CRISPLD2: variants seen among roughly 807,000 people sequenced by gnomAD.
The protein encoded by CRISPLD2 is cysteine rich secretory protein LCCL domain containing 2.
Under a neutral mutation model 71.1 loss-of-function variants are expected in CRISPLD2, and 47 were observed. The ratio of observed to expected loss-of-function variants is 0.66; its 90% confidence interval spans 0.52 to 0.84. CRISPLD2 has a LOEUF of 0.84. CRISPLD2 is among the 40% of genes least tolerant of loss of function. The pLI is 0.00. For synonymous variants in CRISPLD2, 317 were observed against 250.1 expected (o/e 1.27, Z -2.52); for missense variants, 830 against 651.1 (o/e 1.27, Z -2.99).
In CRISPLD2 at chr16:84,877,471, AG is replaced by A; in HGVS notation, c.1191del (p.Gln397HisfsTer63). On this transcript the variant is annotated frameshift_variant, in exon 12 of 15. Transcript: ENST00000262424. LOFTEE classifies it high-confidence loss of function. ...QDLDCYTTVA[Q>X]LCPFEKPATH... ...TTGGACTGCTACACGACCGTTGCTC[AG>A]CTGTGCCCGTTTGAAAAGCCAGCAA... 1 of 1,613,986 alleles carries A rather than the reference AG, an allele frequency of 6.2e-7. No individual in the cohort carries two copies. Among genetic ancestry groups the A allele is most frequent in the Non-Finnish European group, 8.5e-7 (1 of 1,179,896 alleles).
intron 14 of CRISPLD2, among the ~76,000 whole-genome samples, chr16:84,897,598 G>A (rs948003266): frequency 3.9e-5 from 6 of 152,058 alleles, no homozygotes; most frequent in African/African-American, 1.2e-4. Context: ...ATATAAACAC[G>A]CCTTTTTTTG....
At chr16:84,869,716 G>C (rs1402324721) in intron 8 of CRISPLD2, among the ~76,000 whole-genome samples, 9 of 152,258 alleles carry the variant, frequency 5.9e-5, no homozygotes, top group Admixed American at 4.6e-4. Flanking sequence ...TGGGCGAATT[G>C]GGAAAAAGCA....
intron 13 of CRISPLD2, among the ~76,000 whole-genome samples, chr16:84,881,640 A>G (rs2934479): frequency 6.9e-6 from 1 of 144,494 alleles, no homozygotes; most frequent in Non-Finnish European, 1.5e-5. Context: ...AATGTTTTTT[A>G]TTTTTTTATT....
intron 14 of CRISPLD2, among the ~76,000 whole-genome samples, chr16:84,903,384 G>A (rs974989801): frequency 5.3e-5 from 8 of 151,970 alleles, no homozygotes; most frequent in African/African-American, 1.7e-4. Flanking sequence ...AGACCAGCCC[G>A]GCCAAGAGAC....
rs2071816126 is a variant in CRISPLD2 at position 84,907,670 on chromosome 16, A to T, written c.*1028A>T. On this transcript the variant is annotated 3_prime_UTR_variant, in exon 15 of 15. Transcript: ENST00000262424. ...AATGTGCAGATTCCCCACGCACCCG[A>T]TGACCTATTTTTTCAGCCGTGGGAG... 6.6e-6 allele frequency: 1 copy of T among 152,334 alleles called. No homozygotes were observed. Among genetic ancestry groups the T allele is most frequent in the East Asian group, 1.9e-4 (1 of 5,192 alleles). 9.4% of individuals were successfully genotyped at this position (152,334 alleles called of 1,614,324 possible). A position where few individuals can be genotyped will look rare whatever the true frequency, so the allele number is the denominator to read the frequency against.
intron 11 of CRISPLD2, among the ~76,000 whole-genome samples, chr16:84,876,159 A>G (rs982354119): frequency 6.6e-6 from 1 of 152,226 alleles, no homozygotes; most frequent in African/African-American, 2.4e-5. Context: ...CTTGACATCA[A>G]ACATAAGGAC....
rs557293013 is a variant in CRISPLD2 at position 84,875,183 on chromosome 16, A to G, written c.1156+1220A>G. On this transcript the variant is annotated intron_variant, in intron 11 of 14. Coordinates refer to ENST00000262424, the MANE Select transcript of CRISPLD2 (RefSeq NM_031476.4). The stretch of plus-strand genomic sequence containing the variant: ...TTGAGCCTGGAAACTTGAGGCTGCA[A>G]TGAGTCATGTTCATGCCACTACACT... Among the ~76,000 whole-genome samples the G allele has an allele frequency of 4.6e-5, 7 of 152,166 alleles. No individual in the cohort carries two copies. The South Asian group carries it at 1.0e-3, about 23-fold the overall frequency.
chr16:84,873,755 C>T (rs1475385816), intron 10 of CRISPLD2, among the ~76,000 whole-genome samples, 165 bp from the exon 11 acceptor site: 1 of 152,056 alleles, frequency 6.6e-6, no homozygotes, highest in Non-Finnish European at 1.5e-5. Context: ...TTAAGATGCC[C>T]TGGTCTAGAA....
rs368558267 is a variant in CRISPLD2 at position 84,872,528 on chromosome 16, C to T, written c.981+20C>T. 10 of 1,595,838 alleles carry T rather than the reference C, an allele frequency of 6.3e-6. No individual in the cohort carries two copies. The highest frequency in any genetic ancestry group is 8.6e-6 in the Non-Finnish European group (10 of 1,165,632). ...GAAAGCGTGAGTGTGGCCAGTCCTC[C>T]TCTCAATGGCTTGTGTGGGATCCTG... On this transcript the variant is annotated intron_variant, in intron 9 of 14. Transcript: ENST00000262424.
At chr16:84,889,752 T>TTG (rs60555979) in intron 14 of CRISPLD2, among the ~76,000 whole-genome samples, 36,590 of 139,090 alleles carry the variant, frequency 0.26, 4,422 homozygotes, top group Middle Eastern at 0.3. Flanking sequence ...TTGTTTTTCT[T>TTG]TGTGTGTGTG....
At chr16:84,830,817 G>A (rs965509818) in intron 1 of CRISPLD2, among the ~76,000 whole-genome samples, 1 of 152,122 alleles carries the variant, frequency 6.6e-6, no homozygotes, top group East Asian at 1.9e-4. Flanking sequence ...GAGATTATCA[G>A]TGTCTATGGG....
intron 14 of CRISPLD2, among the ~76,000 whole-genome samples, chr16:84,898,458 G>C (rs554016916): frequency 1.3e-5 from 2 of 152,190 alleles, no homozygotes; most frequent in South Asian, 2.1e-4. Flanking sequence ...GCACACCTCA[G>C]TGCTTTTGTA....
rs562169159 is a variant in CRISPLD2 at position 84,848,530 on chromosome 16, T to G, written c.360-855T>G. Among the ~76,000 whole-genome samples, 5 of 151,822 alleles carry G rather than the reference T, an allele frequency of 3.3e-5. 1 individual carries two copies. In the South Asian group the frequency reaches 1.0e-3, roughly 32 times the overall value. On this transcript the variant is annotated intron_variant, in intron 3 of 14. Transcript: ENST00000262424. ...CAAGGGGGTGGTGGGCATGAAGCGATGACCCCACGGAGGATGTCCAGGGAC... is the reference window on the plus strand; with the variant it reads ...CAAGGGGGTGGTGGGCATGAAGCGAGGACCCCACGGAGGATGTCCAGGGAC...
intron 13 of CRISPLD2, among the ~76,000 whole-genome samples, chr16:84,882,347 C>CAAAAAAAAA (rs80146835): frequency 0.012 from 942 of 76,978 alleles, no homozygotes; most frequent in Non-Finnish European, 0.019. Context: ...ACCAATAAAG[C>CAAAAAAAAA]AAAAAAAAAA....
chr16:84,902,442 T>C (rs2071763563), intron 14 of CRISPLD2, among the ~76,000 whole-genome samples: 2 of 151,352 alleles, frequency 1.3e-5, no homozygotes, highest in African/African-American at 4.9e-5. Context: ...ACCCCGTCTC[T>C]ACTAAAAATA....
At chr16:84,829,382 G>C (rs901659565) in intron 1 of CRISPLD2, 1 of 152,244 alleles carries the variant, frequency 6.6e-6, no homozygotes, top group African/African-American at 2.4e-5. Flanking sequence ...GTTCTGCTCA[G>C]TCAAGGGATC....
At chr16:84,828,573 G>A (rs1475130478) in intron 1 of CRISPLD2, among the ~76,000 whole-genome samples, 1 of 152,126 alleles carries the variant, frequency 6.6e-6, no homozygotes, top group Non-Finnish European at 1.5e-5. Context: ...AAGCTTTGCT[G>A]GGAACATTGT....
chr16:84,827,143 C>G (rs950191779), intron 1 of CRISPLD2, among the ~76,000 whole-genome samples: 1 of 151,774 alleles, frequency 6.6e-6, no homozygotes, highest in Admixed American at 6.6e-5. Context: ...CCCCGCACCC[C>G]CCAAGGTAGT....
rs376204402 is a variant in CRISPLD2, at chr16:84,884,428, T to C, written c.1305+3844T>C. On this transcript the variant is annotated intron_variant, in intron 13 of 14. Transcript: ENST00000262424. The stretch of plus-strand genomic sequence containing the variant: ...ATATGACCTGTGACCATCCCTGCTT[T>C]ATATGGAGAAAGGCGGGGCTCTGGG... Among the ~76,000 whole-genome samples the C allele has an allele frequency of 4.8e-4, 73 of 152,300 alleles. 1 individual carries two copies. Among genetic ancestry groups the C allele is most frequent in the African/African-American group, 1.3e-3 (54 of 41,556 alleles).
Sources: allele counts gnomAD v4.1 joint callset (sites outside exome capture counted in the v4.1 genomes callset), GRCh38; gene constraint gnomAD v4.1.1; transcripts MANE v1.5; gene names NCBI Gene and HGNC (gene_info 2026-07-23, HGNC 2026-07-21).